The following PLA2G6 variants were observed in gnomAD, a reference collection of about 807,000 sequenced individuals.
PLA2G6 encodes the protein phospholipase A2 group VI.
Under a neutral mutation model 83.8 loss-of-function variants are expected in PLA2G6, and 62 were observed. The ratio of observed to expected loss-of-function variants is 0.74; its 90% CI spans 0.60 to 0.91. The LOEUF (loss-of-function observed/expected upper bound fraction) is 0.91. PLA2G6 is among the 40% of genes least tolerant of loss of function. The pLI is 0.00. For synonymous variants in PLA2G6, 417 were observed against 449.8 expected, an observed-to-expected ratio of 0.93 and a Z score of 0.92; for missense variants, 944 against 1,102.0, an observed-to-expected ratio of 0.86 and a Z score of 2.03.
At chr22:38,161,171 T>C (rs2089994221) in intron 2 of PLA2G6, among the ~76,000 whole-genome samples, 1 of 151,990 alleles carries the variant, frequency 6.6e-6, no homozygotes. Context: ...CGATGGAAAA[T>C]AACTTAGGTC....
chr22:38,136,214 T>G (rs997758188), intron 5 of PLA2G6: 1 of 151,894 alleles, frequency 6.6e-6, no homozygotes, highest in African/African-American at 2.4e-5. Flanking sequence ...CTGTTTGAGG[T>G]GATAAGAAAA....
intron 1 of PLA2G6, among the ~76,000 whole-genome samples, chr22:38,176,088 G>C (rs754256047): frequency 6.6e-6 from 1 of 152,100 alleles, no homozygotes; most frequent in Non-Finnish European, 1.5e-5. Flanking sequence ...GGCCCACAAG[G>C]GGTTCGCTCC....
At chr22:38,160,332 T>C (rs1161148585) in intron 2 of PLA2G6, among the ~76,000 whole-genome samples, 1 of 152,218 alleles carries the variant, frequency 6.6e-6, no homozygotes, top group Non-Finnish European at 1.5e-5. Context: ...AGACAAGTTA[T>C]GGCCCATAAT....
In PLA2G6 at chr22:38,120,847, AG is replaced by A; in HGVS notation, c.1653del (p.Ser552ProfsTer13). Reference protein sequence around the residue: ...YFRMKDEVFRGSRPYESGPLE... With the variant: ...YFRMKDEVFRXSRPYESGPLE... ...AGGGGCCCCGACTCGTAGGGCCTGG[AG>A]CCCCGGAACACCTCATCCTTCATGC... is the stretch of plus-strand genomic sequence containing the variant. On this transcript the variant is annotated frameshift_variant, in exon 12 of 17. Transcript: ENST00000332509. LOFTEE classifies it high-confidence loss of function. 6.2e-7 allele frequency: 1 copy of A among 1,613,868 alleles called. No homozygotes were observed. Among genetic ancestry groups the A allele is most frequent in the East Asian group, 2.2e-5 (1 of 44,880 alleles).
chr22:38,169,546 G>A, intron 1 of PLA2G6, 75 bp from the exon 2 acceptor site: 1 of 817,156 alleles, frequency 1.2e-6, no homozygotes, highest in Non-Finnish European at 2.0e-6. Context: ...GCGGTTTCCT[G>A]CACAGACACC....
At chr22:38,158,497 T>C (rs567343070) in intron 2 of PLA2G6, among the ~76,000 whole-genome samples, 1 of 152,378 alleles carries the variant, frequency 6.6e-6, no homozygotes, top group South Asian at 2.1e-4. Flanking sequence ...TAAATTTCAC[T>C]GTGACTTCTT....
intron 12 of PLA2G6, among the ~76,000 whole-genome samples, chr22:38,120,004 G>A (rs1242390286): frequency 6.6e-6 from 1 of 152,136 alleles, no homozygotes; most frequent in Non-Finnish European, 1.5e-5. Context: ...AAGGTCCCTG[G>A]CCTTGGACCC....
At chr22:38,156,448 T>G (rs1169248735) in intron 2 of PLA2G6, among the ~76,000 whole-genome samples, 6 of 126,066 alleles carry the variant, frequency 4.8e-5, no homozygotes. Flanking sequence ...CTTAAATTAT[T>G]ATTATTGTTA....
At position 38,135,033 on chromosome 22, in the gene PLA2G6, G is replaced by T. The variant is rs556692860; in HGVS notation, c.849C>A (p.Asp283Glu). ...GGAGGGGGCTGGCTCCGTAACGGGG[G>T]TCTTTGCTGTGGATCTGGCTGCTGT... ...SMDSSQIHSK[D>E]PRYGASPLHW... Residue 283 changes from aspartate (D) to glutamate (E), a missense_variant, in exon 6 of 17, where the codon GAC becomes GAA. Physicochemically the swap from Asp to Glu is conservative, Grantham distance 45. Coordinates refer to ENST00000332509, the MANE Select transcript of PLA2G6 (RefSeq NM_003560.4). The T allele has an allele frequency of 1.2e-6, 2 of 1,613,928 alleles. No individual in the cohort carries two copies. The highest frequency in any genetic ancestry group is 1.7e-6 in the Non-Finnish European group (2 of 1,179,980).
Position 38,134,985 on chromosome 22 carries a change from C to T in PLA2G6, c.894+3G>A. The T allele has an allele frequency of 9.6e-7, 1 of 1,042,704 alleles. No individual in the cohort carries two copies. Among genetic ancestry groups the T allele is most frequent in the Non-Finnish European group, 1.4e-6 (1 of 694,314 alleles). The allele number at this position is 1,042,704 out of a possible 1,614,324, so 64.6% of individuals were successfully genotyped here. A position where few individuals can be genotyped will look rare whatever the true frequency, so the allele number is the denominator to read the frequency against. The stretch of plus-strand genomic sequence containing the variant: ...CCACCCACCCACCTCAGGATCCACT[C>T]ACCTCTGCGTTCTTGGCCCAGTGGA... On this transcript the variant is annotated splice_donor_region_variant and intron_variant, in intron 6 of 16. Transcript: ENST00000332509.
At position 38,132,750 on chromosome 22, in the gene PLA2G6, G is replaced by T; in HGVS notation, c.1077+81C>A. 2 of 1,230,224 alleles carry T rather than the reference G, an allele frequency of 1.6e-6. No individual in the cohort carries two copies. Among genetic ancestry groups the T allele is most frequent in the Non-Finnish European group, 1.1e-6 (1 of 874,922 alleles). The allele number at this position is 1,230,224 out of a possible 1,614,324, so 76.2% of individuals were successfully genotyped here. ...AGCTGACGATAGGAGGGAGACAGTG[G>T]GGAGGAGGGCTCCAGTCCGGACAGC... On this transcript the variant is annotated intron_variant, in intron 7 of 16. Transcript: ENST00000332509. This position sits in a 1 kb window ranked among gnomAD's most constrained non-coding sequence, Gnocchi z 5.0.
intron 1 of PLA2G6, among the ~76,000 whole-genome samples, chr22:38,173,052 C>T (rs1487401738): frequency 2.0e-5 from 3 of 152,182 alleles, no homozygotes; most frequent in African/African-American, 2.4e-5. Flanking sequence ...ATGACAGCCA[C>T]GGGGCCACAT....
chr22:38,113,802 G>T, intron 14 of PLA2G6, 148 bp from the exon 15 acceptor site: 1 of 766,958 alleles, frequency 1.3e-6, no homozygotes, highest in Non-Finnish European at 2.3e-6. Context: ...TGCCTGGCAT[G>T]ATTTCCAGCC....
intron 1 of PLA2G6, among the ~76,000 whole-genome samples, chr22:38,178,832 C>T (rs2090736128): frequency 1.3e-5 from 2 of 152,104 alleles, no homozygotes; most frequent in Non-Finnish European, 2.9e-5. Context: ...CACCACTGCG[C>T]TCCAGCCTGG....
intron 14 of PLA2G6, among the ~76,000 whole-genome samples, chr22:38,114,855 T>C (rs1214377931): frequency 6.6e-6 from 1 of 152,128 alleles, no homozygotes; most frequent in Non-Finnish European, 1.5e-5. Context: ...CCCCATTAGG[T>C]AGCTGCAGTG....
intron 14 of PLA2G6, among the ~76,000 whole-genome samples, chr22:38,114,802 C>T (rs1273082777): frequency 2.0e-5 from 3 of 152,228 alleles, no homozygotes; most frequent in Non-Finnish European, 4.4e-5. Flanking sequence ...CAGACAACAG[C>T]ATGCCAAGGC....
At chr22:38,152,252 T>G (rs2089595517) in intron 2 of PLA2G6, among the ~76,000 whole-genome samples, 2 of 151,874 alleles carry the variant, frequency 1.3e-5, no homozygotes, top group African/African-American at 4.8e-5. Flanking sequence ...GTTTCGCTCT[T>G]GTCGCCCAGG....
chr22:38,148,468 A>G (rs2145844207), intron 2 of PLA2G6: 1 of 715,580 alleles, frequency 1.4e-6, no homozygotes, highest in Non-Finnish European at 2.6e-6. Flanking sequence ...GGCACTGGAT[A>G]CCTCAAAAGA....
chr22:38,174,246 A>C (rs866110517), intron 1 of PLA2G6, among the ~76,000 whole-genome samples: 1 of 151,844 alleles, frequency 6.6e-6, no homozygotes, highest in East Asian at 1.9e-4. Flanking sequence ...AATACAAAAA[A>C]AATTAGCTGG....
Sources: allele counts gnomAD v4.1 joint callset (sites outside exome capture counted in the v4.1 genomes callset), GRCh38; gene constraint gnomAD v4.1.1; non-coding constraint Gnocchi (gnomAD v3.1); transcripts MANE v1.5; gene names NCBI Gene and HGNC (gene_info 2026-07-23, HGNC 2026-07-21).